The following CCDC149 variants were observed in gnomAD, a reference collection of about 807,000 sequenced individuals.
CCDC149 encodes coiled-coil domain containing 149.
CCDC149 carries 45 observed loss-of-function variants against 59.9 expected under a neutral mutation model. That is an observed-to-expected ratio of 0.75 (90% CI 0.59 to 0.96). The LOEUF (loss-of-function observed/expected upper bound fraction) is 0.96, where lower values mean the gene tolerates loss of function less well. Ranked by LOEUF, CCDC149 falls within the 40% of genes least tolerant of loss-of-function variation. The pLI, the probability that CCDC149 is intolerant of heterozygous loss-of-function variation, is 0.00. For missense variants in CCDC149, 584 were observed against 664.7 expected (o/e 0.88, Z 1.33); for synonymous variants, 245 against 260.6 (o/e 0.94, Z 0.58).
In CCDC149 at chr4:24,912,926, C is replaced by G. The variant is rs1376895751; in HGVS notation, c.-47G>C. ...CCCCGCCGCCTCCTCCTCCTCGCGA[C>G]GTCGCGTCGCCGCCGCCGCCCGGGC... On this transcript the variant is annotated 5_prime_UTR_variant, in exon 1 of 13. Coordinates refer to ENST00000635206, the MANE Select transcript of CCDC149 (RefSeq NM_001330643.2). 8 of 1,164,598 alleles carry G rather than the reference C, an allele frequency of 6.9e-6. No homozygotes were observed. Among genetic ancestry groups the G allele is most frequent in the African/African-American group, 1.6e-5 (1 of 60,702 alleles). The allele number at this position is 1,164,598 out of a possible 1,614,324, so 72.1% of individuals were successfully genotyped here. A position where few individuals can be genotyped will look rare whatever the true frequency, so the allele number is the denominator to read the frequency against.
At chr4:24,905,911 C>T (rs1721481944) in intron 1 of CCDC149, among the ~76,000 whole-genome samples, 1 of 152,170 alleles carries the variant, frequency 6.6e-6, no homozygotes, top group Admixed American at 6.5e-5. Flanking sequence ...AAGAAAAGCC[C>T]CTTGCCCTGG....
intron 1 of CCDC149, among the ~76,000 whole-genome samples, chr4:24,891,646 G>A (rs1436168646): frequency 6.6e-6 from 1 of 152,208 alleles, no homozygotes. Context: ...CTCCTTTGGA[G>A]AAGTGCACAT....
intron 2 of CCDC149, among the ~76,000 whole-genome samples, chr4:24,874,100 C>T (rs1485826260): frequency 1.3e-5 from 2 of 151,508 alleles, no homozygotes; most frequent in Admixed American, 6.6e-5. Flanking sequence ...CACACATACA[C>T]ATATAGAGAG....
At chr4:24,930,301 G>A (rs1711506335) in intron 1 of CCDC149, among the ~76,000 whole-genome samples, 2 of 152,236 alleles carry the variant, frequency 1.3e-5, no homozygotes, top group Non-Finnish European at 2.9e-5. Context: ...GAAAGAGCTT[G>A]CATCCCTGAG....
intron 12 of CCDC149, among the ~76,000 whole-genome samples, chr4:24,810,288 T>TAAA (rs1714512929): frequency 6.6e-6 from 1 of 152,184 alleles, no homozygotes; most frequent in South Asian, 2.1e-4. Context: ...CAAAAATATT[T>TAAA]AAAAAATAGT....
At chr4:24,819,361 C>T (rs1715214477) in intron 12 of CCDC149, among the ~76,000 whole-genome samples, 1 of 152,102 alleles carries the variant, frequency 6.6e-6, no homozygotes, top group South Asian at 2.1e-4. Context: ...TTGCTGTATT[C>T]CCCAGGCTGG....
intron 4 of CCDC149, among the ~76,000 whole-genome samples, chr4:24,850,515 T>C (rs986560499): frequency 6.6e-5 from 10 of 152,056 alleles, no homozygotes; most frequent in African/African-American, 2.2e-4. Flanking sequence ...AAAGGTCCTG[T>C]GGCCACAGGC....
At chr4:24,973,180 T>TA (rs1372863533) in intron 1 of CCDC149, among the ~76,000 whole-genome samples, 6 of 152,198 alleles carry the variant, frequency 3.9e-5, no homozygotes, top group African/African-American at 1.4e-4. Flanking sequence ...AACCAATATA[T>TA]ACCTCACATG....
rs574525605 is a variant in CCDC149, at chr4:24,948,013, G to T, written c.-65+32056C>A. Among the ~76,000 whole-genome samples the T allele has an allele frequency of 7.9e-5, 12 of 152,250 alleles. No homozygotes were observed. The South Asian group carries it at 2.5e-3, about 32-fold the overall frequency. On this transcript the variant is annotated intron_variant, in intron 1 of 12. Transcript: ENST00000389609. ...GCCAAATCAATTTGGGGGCTTGAAGGGATAGGGAGAGCCTTCGTTCCCTCC... is the reference window on the plus strand; with the variant it reads ...GCCAAATCAATTTGGGGGCTTGAAGTGATAGGGAGAGCCTTCGTTCCCTCC...
At position 24,808,240 on chromosome 4, in the gene CCDC149, TCA is replaced by T. The variant is rs1577368866; in HGVS notation, c.*147_*148del. 1 of 606,366 alleles carries T rather than the reference TCA, an allele frequency of 1.6e-6. No individual in the cohort carries two copies. The highest frequency in any genetic ancestry group is 3.0e-5 in the East Asian group (1 of 33,534). The allele number at this position is 606,366 out of a possible 1,614,324, so 37.6% of individuals were successfully genotyped here. A position where few individuals can be genotyped will look rare whatever the true frequency, so the allele number is the denominator to read the frequency against. On this transcript the variant is annotated 3_prime_UTR_variant, in exon 13 of 13. Coordinates refer to ENST00000635206, the MANE Select transcript of CCDC149 (RefSeq NM_001330643.2). ...AACTGTACTGGCATCATCAGAATAT[TCA>T]CAGTTTGCAACAGGATCAGTGCGTT...
intron 3 of CCDC149, among the ~76,000 whole-genome samples, chr4:24,861,071 A>G (rs1159551069): frequency 6.6e-6 from 1 of 152,226 alleles, no homozygotes; most frequent in Non-Finnish European, 1.5e-5. Context: ...TTAAAGATCT[A>G]AAAGTACATC....
chr4:24,895,185 G>T, intron 1 of CCDC149: 1 of 680,522 alleles, frequency 1.5e-6, no homozygotes, highest in Non-Finnish European at 2.6e-6. Flanking sequence ...GTTACCTCTG[G>T]GTGAGGCAGG....
At chr4:24,869,778 T>C (rs1185236073) in intron 3 of CCDC149, among the ~76,000 whole-genome samples, 1 of 152,206 alleles carries the variant, frequency 6.6e-6, no homozygotes, top group Non-Finnish European at 1.5e-5. Context: ...CCCCATTTTA[T>C]GGATGAGAAC....
At chr4:24,876,100 T>C (rs1056434178) in intron 2 of CCDC149, among the ~76,000 whole-genome samples, 1 of 152,110 alleles carries the variant, frequency 6.6e-6, no homozygotes, top group Non-Finnish European at 1.5e-5. Context: ...GTGCACTCGC[T>C]AGTCACTTAG....
chr4:24,836,683 T>C (rs1716550437), intron 6 of CCDC149, among the ~76,000 whole-genome samples, 175 bp from the exon 7 acceptor site: 1 of 152,236 alleles, frequency 6.6e-6, no homozygotes, highest in Non-Finnish European at 1.5e-5. Context: ...TTTCCTTAAA[T>C]GAATGCAATC....
intron 4 of CCDC149, among the ~76,000 whole-genome samples, chr4:24,841,596 G>A (rs1279066897): frequency 5.9e-5 from 9 of 152,214 alleles, no homozygotes; most frequent in African/African-American, 4.8e-5. Context: ...TCAGCTGAGG[G>A]GGTCTAAGGA....
At chr4:24,912,747 G>C (rs1485661025) in intron 1 of CCDC149, 70 bp downstream of exon 1, 6 of 1,115,604 alleles carry the variant, frequency 5.4e-6, no homozygotes, top group East Asian at 8.7e-5. Context: ...CGGCCTCTCT[G>C]GGGGCGCGGG....
At chr4:24,944,078 C>T (rs9994404) in intron 1 of CCDC149, among the ~76,000 whole-genome samples, 29,314 of 152,086 alleles carry the variant, frequency 0.19, 3,618 homozygotes, top group African/African-American at 0.35. Flanking sequence ...ATAAATCATG[C>T]TGCTATAAAG....
intron 8 of CCDC149, among the ~76,000 whole-genome samples, chr4:24,832,410 G>A (rs1267524407): frequency 1.3e-5 from 2 of 152,136 alleles, no homozygotes; most frequent in African/African-American, 2.4e-5. Flanking sequence ...GCAAAAACTA[G>A]CTGTTCTTGG....
Sources: gnomAD v4.1 joint callset for allele counts (sites outside exome capture counted in the v4.1 genomes callset) on GRCh38, gnomAD v4.1.1 for gene constraint, MANE v1.5 for transcripts, NCBI Gene and HGNC (gene_info 2026-07-23, HGNC 2026-07-21) for gene names.